The following CCDC30 variants were observed in gnomAD, a reference collection of about 807,000 sequenced individuals.
CCDC30 encodes coiled-coil domain-containing protein 30.
In CCDC30, 70 loss-of-function variants were observed where a neutral mutation model predicts 100.2. The observed-to-expected ratio is 0.70, with a 90% confidence interval of 0.58 to 0.85. The LOEUF (loss-of-function observed/expected upper bound fraction) is 0.85. Among genes scored for constraint, CCDC30 ranks in the 40% least tolerant of loss-of-function variants. The probability of loss-of-function intolerance (pLI) is 0.00; values close to 1 mark genes in which losing one functional copy is unlikely to be tolerated. For missense variants in CCDC30, 652 were observed against 771.2 expected (o/e 0.85, Z 1.83); for synonymous variants, 233 against 269.5 (o/e 0.86, Z 1.33).
rs77953118 is a variant in CCDC30 at position 42,554,886 on chromosome 1, C to T, written c.457-11410C>T. ...CCCCTTTCTCCCTGGTTCGTCTTAT[C>T]CAGTCCCAGTGTTTCTGCTCACGTT... is the stretch of plus-strand genomic sequence containing the variant. On this transcript the variant is annotated intron_variant, in intron 6 of 16. Transcript: ENST00000668663. 3.8e-3 allele frequency among the ~76,000 whole-genome samples: 582 copies of T among 152,084 alleles called. 1 individual carries two copies. The highest frequency in any genetic ancestry group is 0.012 in the African/African-American group (516 of 41,498).
intron 6 of CCDC30, among the ~76,000 whole-genome samples, chr1:42,561,253 C>T (rs938844241): frequency 5.3e-5 from 8 of 152,164 alleles, no homozygotes; most frequent in Non-Finnish European, 1.0e-4. Context: ...AAAAACTTAT[C>T]CACCACAATT....
chr1:42,541,503 A>G (rs1464263358), intron 6 of CCDC30, among the ~76,000 whole-genome samples: 1 of 152,240 alleles, frequency 6.6e-6, no homozygotes, highest in Admixed American at 6.5e-5. Context: ...CCCACACTAC[A>G]GAGATAATGT....
At chr1:42,581,106 T>G (rs2148592034) in intron 8 of CCDC30, 1 of 388,778 alleles carries the variant, frequency 2.6e-6, no homozygotes, top group Non-Finnish European at 4.8e-6. Context: ...CTCCCACAGT[T>G]CTGGGATTAC....
intron 14 of CCDC30, 101 bp from the exon 19 acceptor site, chr1:42,646,034 T>C (rs1647852787): frequency 2.1e-6 from 3 of 1,436,920 alleles, no homozygotes; most frequent in East Asian, 2.4e-5. Context: ...ATCAGAACTA[T>C]AGCACATCAA....
At chr1:42,589,520 A>G (rs539607028) in intron 10 of CCDC30, 37 bp downstream of exon 14, 1 of 1,568,030 alleles carries the variant, frequency 6.4e-7, no homozygotes, top group Admixed American at 1.7e-5. Context: ...CAGTTTTCCT[A>G]TTCCCATTAG....
intron 12 of CCDC30, among the ~76,000 whole-genome samples, chr1:42,638,511 G>T (rs1647202844): frequency 6.8e-6 from 1 of 147,140 alleles, no homozygotes; most frequent in Non-Finnish European, 1.5e-5. Flanking sequence ...AAAGACTATG[G>T]AAAGTGTATA....
chr1:42,461,728 G>A (rs575251886), upstream of CCDC30, among the ~76,000 whole-genome samples: 1 of 151,858 alleles, frequency 6.6e-6, no homozygotes, highest in South Asian at 2.1e-4. Flanking sequence ...TGCATTTTTA[G>A]TAGAGATGGG....
chr1:42,560,546 T>G (rs1645466141), intron 6 of CCDC30, among the ~76,000 whole-genome samples: 1 of 152,014 alleles, frequency 6.6e-6, no homozygotes, highest in East Asian at 1.9e-4. Context: ...ATTTTTTGTA[T>G]TTTTAGTAGA....
At chr1:42,634,566 C>T (rs1647112080) in intron 11 of CCDC30, among the ~76,000 whole-genome samples, 1 of 152,194 alleles carries the variant, frequency 6.6e-6, no homozygotes, top group African/African-American at 2.4e-5. Context: ...GTATCGCACT[C>T]ATGCTCCATG....
At chr1:42,554,330 C>T (rs6661654) in intron 6 of CCDC30, among the ~76,000 whole-genome samples, 31,806 of 146,210 alleles carry the variant, frequency 0.22, 4,421 homozygotes, top group Non-Finnish European at 0.29. Context: ...CAGGCTGGAG[C>T]GCAATAGTGC....
At chr1:42,497,914 C>T (rs1202652754) in intron 5 of CCDC30, among the ~76,000 whole-genome samples, 2 of 152,154 alleles carry the variant, frequency 1.3e-5, no homozygotes, top group African/African-American at 4.8e-5. Context: ...CTGACAATTC[C>T]ACTTCTGGAT....
Position 42,513,464 on chromosome 1 carries a change from A to G in CCDC30, c.456+14548A>G, listed in dbSNP as rs114415012. 7.9e-3 allele frequency among the ~76,000 whole-genome samples: 1,200 copies of G among 152,244 alleles called. 21 individuals are homozygous for G. The highest frequency in any genetic ancestry group is 0.027 in the African/African-American group (1,122 of 41,544). On this transcript the variant is annotated intron_variant, in intron 6 of 16. Coordinates refer to ENST00000668663, the Ensembl canonical transcript of CCDC30. ...CGCCATCTTGTCTGCTCCTTACTGTATATGTGGCTGGCAAAGAGAAGGGAA... is the reference window on the plus strand; with the variant it reads ...CGCCATCTTGTCTGCTCCTTACTGTGTATGTGGCTGGCAAAGAGAAGGGAA...
At chr1:42,542,850 GC>G (rs1645043344) in intron 6 of CCDC30, 1 of 114,358 alleles carries the variant, frequency 8.7e-6, no homozygotes, top group African/African-American at 2.9e-5. Flanking sequence ...ACCGCGCCCG[GC>G]CTAAATTTTT....
chr1:42,488,323 CT>C (rs1166123618), intron 3 of CCDC30, among the ~76,000 whole-genome samples: 1 of 151,576 alleles, frequency 6.6e-6, no homozygotes, highest in African/African-American at 2.4e-5. Flanking sequence ...TCTTTTTTTT[CT>C]TTCTTTTTTT....
At position 42,602,132 on chromosome 1, in the gene CCDC30, G is replaced by GA. The variant is rs566489303; in HGVS notation, c.1165-8839dup. On this transcript the variant is annotated intron_variant, in intron 10 of 16. Coordinates refer to ENST00000668663, the Ensembl canonical transcript of CCDC30. ...GGGTATTTGAAAATATACAGAGGAG[G>GA]AAAAAAATATCTAAAATCAATTATC... 1.5e-4 allele frequency among the ~76,000 whole-genome samples: 23 copies of GA among 150,156 alleles called. No homozygotes were observed. The East Asian group carries it at 4.5e-3, about 29-fold the overall frequency.
upstream of CCDC30, among the ~76,000 whole-genome samples, chr1:42,461,646 ACACC>A: frequency 6.7e-6 from 1 of 150,286 alleles, no homozygotes; most frequent in Non-Finnish European, 1.5e-5. Context: ...TCCCGGGTTC[ACACC>A]ATTCTCCTTC....
chr1:42,529,724 A>G (rs1320604033), intron 6 of CCDC30: 1 of 152,172 alleles, frequency 6.6e-6, no homozygotes, highest in Non-Finnish European at 1.5e-5. Context: ...GTCAGCAGGT[A>G]AGGAGTAACA....
intron 6 of CCDC30, among the ~76,000 whole-genome samples, chr1:42,509,748 G>T (rs1057210230): frequency 1.3e-5 from 2 of 152,080 alleles, no homozygotes; most frequent in Non-Finnish European, 2.9e-5. Flanking sequence ...TAGACTGGCT[G>T]CAACTTAAGA....
chr1:42,485,057 G>T lies in CCDC30; in HGVS notation c.169+2241G>T, dbSNP rs529290473. On this transcript the variant is annotated intron_variant, in intron 3 of 16. Coordinates refer to ENST00000668663, the Ensembl canonical transcript of CCDC30. Reference sequence around the variant, plus strand: ...TAAATTTTTGTTAAATTAATTTTTTGTTTAAAAAGAGTTCTTATTTTTTAG... The same window carrying T: ...TAAATTTTTGTTAAATTAATTTTTTTTTTAAAAAGAGTTCTTATTTTTTAG... Among the ~76,000 whole-genome samples the T allele has an allele frequency of 3.2e-4, 48 of 152,104 alleles. No individual in the cohort carries two copies. The South Asian group carries it at 9.5e-3, about 30-fold the overall frequency.
Sources: gnomAD v4.1 joint callset for allele counts (sites outside exome capture counted in the v4.1 genomes callset) on GRCh38, gnomAD v4.1.1 for gene constraint, MANE v1.5 for transcripts, NCBI Gene and HGNC (gene_info 2026-07-23, HGNC 2026-07-21) for gene names.